Variants in MITF observed in about 807,000 individuals in gnomAD.
MITF encodes melanocyte inducing transcription factor, also known as microphthalmia-associated transcription factor.
In MITF, 17 loss-of-function variants were observed where a neutral mutation model predicts 60.5. The observed-to-expected ratio is 0.28, with a 90% CI of 0.19 to 0.42. The LOEUF (loss-of-function observed/expected upper bound fraction) is 0.42, where lower values mean the gene tolerates loss of function less well. Among genes scored for constraint, MITF ranks in the 10% least tolerant of loss-of-function variants. The pLI, the probability that MITF is intolerant of heterozygous loss-of-function variation, is 1.00. For synonymous variants in MITF, 260 were observed against 248.5 expected (o/e 1.05, Z -0.43); for missense variants, 622 against 683.5 (o/e 0.91, Z 1.00).
intron 1 of MITF, among the ~76,000 whole-genome samples, chr3:69,877,981 T>C (rs113648779): frequency 6.6e-6 from 1 of 152,122 alleles, no homozygotes; most frequent in African/African-American, 2.4e-5. Context: ...TTAAAAAATA[T>C]ATATAGAGAG....
intron 2 of MITF, among the ~76,000 whole-genome samples, chr3:69,928,670 T>C (rs2065648196): frequency 6.6e-6 from 1 of 152,142 alleles, no homozygotes; most frequent in Non-Finnish European, 1.5e-5. Flanking sequence ...AAAAGAGAAA[T>C]CCAAACTCTG....
At chr3:69,781,088 A>G (rs1280198337) in intron 1 of MITF, among the ~76,000 whole-genome samples, 1 of 149,960 alleles carries the variant, frequency 6.7e-6, no homozygotes, top group Non-Finnish European at 1.5e-5. Flanking sequence ...TTTTTTTTTT[A>G]GTAGTAACTG....
chr3:69,789,405 C>T (rs1362396091), intron 1 of MITF, among the ~76,000 whole-genome samples: 1 of 152,106 alleles, frequency 6.6e-6, no homozygotes, highest in African/African-American at 2.4e-5. Flanking sequence ...TGTCACTCAT[C>T]ATCTAAGAAA....
rs188994864 is a variant in MITF, at chr3:69,880,530, G to A, written c.354+1147G>A. Among the ~76,000 whole-genome samples the A allele has an allele frequency of 6.0e-4, 92 of 152,218 alleles. 1 individual carries two copies. The highest frequency in any genetic ancestry group is 1.2e-3 in the Non-Finnish European group (79 of 67,956). ...GTTTAGCATAAAGTTTTACTCTAAT[G>A]TGATTGTTTGAAATTCTGGATATTG... On this transcript the variant is annotated intron_variant, in intron 2 of 9. Coordinates refer to ENST00000352241, the MANE Select transcript of MITF (RefSeq NM_001354604.2).
At chr3:69,930,041 G>C (rs1048535231) in intron 2 of MITF, among the ~76,000 whole-genome samples, 1 of 152,056 alleles carries the variant, frequency 6.6e-6, no homozygotes, top group Non-Finnish European at 1.5e-5. Flanking sequence ...CAACCTAATA[G>C]AAAAAAATGG....
intron 1 of MITF, among the ~76,000 whole-genome samples, chr3:69,781,564 T>A (rs2062564949): frequency 6.6e-6 from 1 of 152,292 alleles, no homozygotes; most frequent in Non-Finnish European, 1.5e-5. Flanking sequence ...CCTGCTTAGA[T>A]TTTTGAAAAC....
At chr3:69,833,625 G>A (rs1039821548) in intron 1 of MITF, among the ~76,000 whole-genome samples, 2 of 151,832 alleles carry the variant, frequency 1.3e-5, no homozygotes, top group Non-Finnish European at 2.9e-5. Flanking sequence ...TACACTGTAT[G>A]TGGTTGTTTT....
intron 2 of MITF, among the ~76,000 whole-genome samples, chr3:69,930,550 C>T (rs961925981): frequency 3.3e-5 from 5 of 152,172 alleles, no homozygotes; most frequent in African/African-American, 9.7e-5. Context: ...CTCTGTGAGG[C>T]CCTTACCTAA....
intron 2 of MITF, among the ~76,000 whole-genome samples, chr3:69,911,847 A>C (rs2065231841): frequency 6.6e-6 from 1 of 152,230 alleles, no homozygotes; most frequent in African/African-American, 2.4e-5. Context: ...AAATACCTTG[A>C]AGAACAGTTT....
chr3:69,765,491 CA>C (rs1386569594), intron 1 of MITF, among the ~76,000 whole-genome samples: 4 of 151,928 alleles, frequency 2.6e-5, no homozygotes, highest in Non-Finnish European at 5.9e-5. Flanking sequence ...TTTTTTTTGA[CA>C]AAATTGTTTA....
chr3:69,934,293 A>C (rs1354683101), intron 2 of MITF, among the ~76,000 whole-genome samples: 4 of 152,176 alleles, frequency 2.6e-5, no homozygotes, highest in African/African-American at 2.4e-5. Flanking sequence ...CGAAGGCTAC[A>C]TGTCGTGTTG....
At chr3:69,897,230 C>T (rs922323768) in intron 2 of MITF, among the ~76,000 whole-genome samples, 2 of 151,866 alleles carry the variant, frequency 1.3e-5, no homozygotes, top group African/African-American at 2.4e-5. Flanking sequence ...GAGATGGTGG[C>T]GTTGGTTTTG....
At chr3:69,773,218 A>C (rs2106845525) in intron 1 of MITF, among the ~76,000 whole-genome samples, 1 of 152,316 alleles carries the variant, frequency 6.6e-6, no homozygotes, top group African/African-American at 2.4e-5. Flanking sequence ...CATCATGGCC[A>C]CAGCGGCTGG....
intron 1 of MITF, among the ~76,000 whole-genome samples, chr3:69,801,747 CCTACTGGGTGA>C (rs1312132520): frequency 6.6e-6 from 1 of 152,054 alleles, no homozygotes; most frequent in African/African-American, 2.4e-5. Context: ...TTGTTGAGGG[CCTACTGGGTGA>C]CAAACTGCAT....
chr3:69,758,043 C>CTA, intron 1 of MITF, among the ~76,000 whole-genome samples: 1 of 103,802 alleles, frequency 9.6e-6, no homozygotes, highest in African/African-American at 4.1e-5. Flanking sequence ...GTGTGTGTGT[C>CTA]TATATATATA....
intron 1 of MITF, among the ~76,000 whole-genome samples, chr3:69,758,116 T>TAC: frequency 1.4e-5 from 2 of 139,076 alleles, no homozygotes; most frequent in African/African-American, 5.6e-5. Flanking sequence ...ATATATCATA[T>TAC]GCACACACAC....
chr3:69,866,188 A>G, intron 1 of MITF: 1 of 1,568,048 alleles, frequency 6.4e-7, no homozygotes, highest in Non-Finnish European at 8.6e-7. Context: ...TGGAGTTTCC[A>G]GGGCCTTATC....
intron 1 of MITF, among the ~76,000 whole-genome samples, chr3:69,873,091 CT>C (rs1428817103): frequency 6.6e-6 from 1 of 152,146 alleles, no homozygotes. Context: ...GATCTCCATT[CT>C]TTTTCTTGAT....
chr3:69,891,686 A>G (rs2107319719), intron 2 of MITF, among the ~76,000 whole-genome samples: 1 of 152,358 alleles, frequency 6.6e-6, no homozygotes, highest in African/African-American at 2.4e-5. Flanking sequence ...AAATTTCTTT[A>G]CTGTAGAGCC....
Sources: allele counts gnomAD v4.1 joint callset (sites outside exome capture counted in the v4.1 genomes callset), GRCh38; gene constraint gnomAD v4.1.1; transcripts MANE v1.5; gene names NCBI Gene and HGNC (gene_info 2026-07-23, HGNC 2026-07-21).